The following DLGAP1 variants were observed in gnomAD, a reference collection of about 807,000 sequenced individuals.
The protein encoded by DLGAP1 is disks large-associated protein 1.
DLGAP1 carries 11 observed loss-of-function variants against 90.8 expected under a neutral mutation model. The observed-to-expected ratio is 0.12, with a 90% CI of 0.08 to 0.20. The LOEUF is 0.20. DLGAP1 is among the 10% of genes least tolerant of loss of function. The pLI is 1.00. For synonymous variants in DLGAP1, 558 were observed against 540.7 expected (o/e 1.03, Z -0.44); for missense variants, 1,050 against 1,333.8 (o/e 0.79, Z 3.31).
At chr18:3,975,621 C>T (rs1427342333) in intron 3 of DLGAP1, among the ~76,000 whole-genome samples, 1 of 152,124 alleles carries the variant, frequency 6.6e-6, no homozygotes, top group African/African-American at 2.4e-5. Flanking sequence ...GATATTGGTA[C>T]ACCCATGCTC....
At chr18:4,356,116 T>C (rs950750385) in intron 1 of DLGAP1, among the ~76,000 whole-genome samples, 1 of 151,948 alleles carries the variant, frequency 6.6e-6, no homozygotes, top group South Asian at 2.1e-4. Context: ...CCGTAGTCAG[T>C]TGGACTCTGT....
intron 7 of DLGAP1, among the ~76,000 whole-genome samples, chr18:3,677,235 C>T (rs939476211): frequency 4.6e-5 from 7 of 152,194 alleles, no homozygotes; most frequent in African/African-American, 1.7e-4. Context: ...GAGTCAAGAA[C>T]TCCTTTGATA....
intron 1 of DLGAP1, among the ~76,000 whole-genome samples, chr18:4,197,408 T>C (rs16946224): frequency 0.011 from 1,643 of 152,052 alleles, 25 homozygotes; most frequent in African/African-American, 0.037. Context: ...GATTTCAAAA[T>C]ACAGAGCATC....
At chr18:3,769,188 C>A (rs2064397814) in intron 5 of DLGAP1, among the ~76,000 whole-genome samples, 1 of 152,076 alleles carries the variant, frequency 6.6e-6, no homozygotes, top group Non-Finnish European at 1.5e-5. Context: ...ATTAAATTCA[C>A]AATAAGATAG....
At chr18:4,306,458 T>TGA (rs1216940245) in intron 1 of DLGAP1, among the ~76,000 whole-genome samples, 79 of 52,790 alleles carry the variant, frequency 1.5e-3, no homozygotes, top group African/African-American at 9.5e-3. Flanking sequence ...TGTGTGTGTG[T>TGA]GTGTGAGAGA....
At chr18:4,335,140 C>G (rs1015711466) in intron 1 of DLGAP1, among the ~76,000 whole-genome samples, 4 of 151,958 alleles carry the variant, frequency 2.6e-5, no homozygotes, top group African/African-American at 7.3e-5. Context: ...AATTAAAAAA[C>G]AGTTGACTGA....
At chr18:4,200,928 G>C (rs527666480) in intron 1 of DLGAP1, among the ~76,000 whole-genome samples, 1 of 151,980 alleles carries the variant, frequency 6.6e-6, no homozygotes, top group Non-Finnish European at 1.5e-5. Flanking sequence ...GTAGGCCTTC[G>C]ACAAATTATC....
chr18:3,605,738 G>T (rs1318343258), intron 7 of DLGAP1, among the ~76,000 whole-genome samples: 1 of 152,208 alleles, frequency 6.6e-6, no homozygotes, highest in Non-Finnish European at 1.5e-5. Flanking sequence ...ATCCTCTCCA[G>T]TCCACTACTC....
In DLGAP1 at chr18:3,859,973, T is replaced by G. The variant is rs112962557; in HGVS notation, c.957+19139A>C. Among the ~76,000 whole-genome samples, 12 of 151,760 alleles carry G rather than the reference T, an allele frequency of 7.9e-5. No homozygotes were observed. In the East Asian group the frequency reaches 1.9e-3, roughly 25 times the overall value. The stretch of plus-strand genomic sequence containing the variant: ...AATTAGCCAGGCGTGGTGGTGGGCA[T>G]CTGTAGTCCCAGCTACTCGGGAGGC... On this transcript the variant is annotated intron_variant, in intron 4 of 12. Transcript: ENST00000315677.
chr18:3,601,578 CA>C (rs1271722030), intron 7 of DLGAP1, among the ~76,000 whole-genome samples: 1 of 151,994 alleles, frequency 6.6e-6, no homozygotes, highest in Non-Finnish European at 1.5e-5. Flanking sequence ...CATGGTGGTT[CA>C]CGCCTATAAT....
At chr18:4,221,077 T>A (rs1461809344) in intron 1 of DLGAP1, among the ~76,000 whole-genome samples, 3 of 152,094 alleles carry the variant, frequency 2.0e-5, no homozygotes, top group African/African-American at 7.2e-5. Flanking sequence ...ACCATCTAGG[T>A]TTTTGTTGAT....
At chr18:3,938,723 T>A (rs768581136) in intron 3 of DLGAP1, among the ~76,000 whole-genome samples, 1 of 152,214 alleles carries the variant, frequency 6.6e-6, no homozygotes, top group Non-Finnish European at 1.5e-5. Context: ...AAGAGGAAGT[T>A]CACAAGACAG....
chr18:3,731,836 G>A (rs187784782), intron 6 of DLGAP1, among the ~76,000 whole-genome samples: 3 of 151,984 alleles, frequency 2.0e-5, no homozygotes, highest in East Asian at 3.9e-4. Flanking sequence ...AAACATCCTG[G>A]AACCACTACC....
chr18:4,157,659 G>T (rs1392136142), intron 1 of DLGAP1, among the ~76,000 whole-genome samples: 1 of 152,188 alleles, frequency 6.6e-6, no homozygotes, highest in Non-Finnish European at 1.5e-5. Flanking sequence ...TGAGCATCAA[G>T]GGAGCAGGGG....
At chr18:3,795,241 G>C (rs2065930617) in intron 5 of DLGAP1, among the ~76,000 whole-genome samples, 1 of 152,146 alleles carries the variant, frequency 6.6e-6, no homozygotes, top group Non-Finnish European at 1.5e-5. Flanking sequence ...AACAGACACA[G>C]AGATTTTCTT....
In DLGAP1 at chr18:4,455,246, C is replaced by G. The variant is rs1336000256; in HGVS notation, c.-507G>C. On this transcript the variant is annotated 5_prime_UTR_variant, in exon 1 of 13. Coordinates refer to ENST00000315677, the MANE Select transcript of DLGAP1 (RefSeq NM_004746.4). The stretch of plus-strand genomic sequence containing the variant: ...AGATTGCGGCGCCCGAAGCGCAGCG[C>G]TCGCCTCTGGAGCGGAGGCTGAGCG... 9.9e-5 allele frequency: 15 copies of G among 152,104 alleles called. No individual in the cohort carries two copies. In the East Asian group the frequency reaches 2.7e-3, roughly 28 times the overall value. 9.4% of individuals were successfully genotyped at this position (152,104 alleles called of 1,614,324 possible). A position where few individuals can be genotyped will look rare whatever the true frequency, so the allele number is the denominator to read the frequency against.
chr18:3,544,563 T>C lies in DLGAP1; in HGVS notation c.2058-9948A>G, dbSNP rs374490580. ...AAAATTTGGGGATTTTCCAAATATA[T>C]TTTAGCTATTGATTTCTATTTAATT... On this transcript the variant is annotated intron_variant, in intron 9 of 12. Transcript: ENST00000315677. Among the ~76,000 whole-genome samples the C allele has an allele frequency of 2.0e-5, 3 of 152,224 alleles. No individual in the cohort carries two copies. The South Asian group carries it at 6.2e-4, about 32-fold the overall frequency.
chr18:3,965,147 C>A (rs996702891), intron 3 of DLGAP1, among the ~76,000 whole-genome samples: 1 of 152,158 alleles, frequency 6.6e-6, no homozygotes, highest in Admixed American at 6.5e-5. Flanking sequence ...CACTTTATTT[C>A]TTTTCTGTGG....
intron 3 of DLGAP1, among the ~76,000 whole-genome samples, chr18:3,887,536 G>A (rs1270866438): frequency 6.6e-6 from 1 of 151,956 alleles, no homozygotes; most frequent in African/African-American, 2.4e-5. Context: ...AGTATACCAA[G>A]AGAGGAGGAC....
Sources: gnomAD v4.1 joint callset for allele counts (sites outside exome capture counted in the v4.1 genomes callset) on GRCh38, gnomAD v4.1.1 for gene constraint, MANE v1.5 for transcripts, NCBI Gene and HGNC (gene_info 2026-07-23, HGNC 2026-07-21) for gene names.